The following KSR2 variants were observed in gnomAD, a reference collection of about 807,000 sequenced individuals.
KSR2 encodes kinase suppressor of ras 2.
In KSR2, 25 loss-of-function variants were observed where a neutral mutation model predicts 107.8. The observed-to-expected ratio is 0.23, with a 90% CI of 0.17 to 0.32. The LOEUF (loss-of-function observed/expected upper bound fraction) is 0.32, where lower values mean the gene tolerates loss of function less well. KSR2 is among the 10% of genes least tolerant of loss of function. KSR2 has a pLI of 1.00. For synonymous variants in KSR2, 480 were observed against 507.0 expected (o/e 0.95, Z 0.71); for missense variants, 887 against 1,268.9 (o/e 0.70, Z 4.57).
intron 5 of KSR2, among the ~76,000 whole-genome samples, chr12:117,653,374 G>T (rs1016344162): frequency 6.6e-6 from 1 of 152,238 alleles, no homozygotes; most frequent in Non-Finnish European, 1.5e-5. Flanking sequence ...CCTTCAGCTG[G>T]CAAGGCCAGC....
rs563949399 is a variant in KSR2, at chr12:117,592,624, G to A, written c.1172-10265C>T. ...ATGGCCTCAATTAAGTTTCATTGCC[G>A]GTAAAGAAAGAAAAGATGGCTGAGG... On this transcript the variant is annotated intron_variant, in intron 5 of 19. Coordinates refer to ENST00000339824, the MANE Select transcript of KSR2 (RefSeq NM_173598.6). 2.6e-5 allele frequency among the ~76,000 whole-genome samples: 4 copies of A among 152,276 alleles called. No homozygotes were observed. In the East Asian group the frequency reaches 5.8e-4, roughly 22 times the overall value.
At chr12:117,656,489 C>T (rs998844883) in intron 5 of KSR2, among the ~76,000 whole-genome samples, 8 of 152,210 alleles carry the variant, frequency 5.3e-5, no homozygotes, top group African/African-American at 1.9e-4. Context: ...TGGCACATGC[C>T]TGTAATCCCA....
intron 1 of KSR2, among the ~76,000 whole-genome samples, chr12:117,911,224 T>A (rs773710536): frequency 3.3e-5 from 5 of 151,738 alleles, no homozygotes; most frequent in African/African-American, 1.2e-4. Flanking sequence ...TAATCCTGCC[T>A]ACTCTACGGA....
At chr12:117,688,333 C>T (rs1029533643) in intron 4 of KSR2, among the ~76,000 whole-genome samples, 2 of 152,120 alleles carry the variant, frequency 1.3e-5, no homozygotes, top group African/African-American at 2.4e-5. Flanking sequence ...TGAGCCATCA[C>T]GCCACTGCAC....
At position 117,529,103 on chromosome 12, in the gene KSR2, G is replaced by A. The variant is rs547794295; in HGVS notation, c.1802+1838C>T. 1.2e-4 allele frequency among the ~76,000 whole-genome samples: 18 copies of A among 152,328 alleles called. No homozygotes were observed. The East Asian group carries it at 3.3e-3, about 28-fold the overall frequency. On this transcript the variant is annotated intron_variant, in intron 12 of 19. Transcript: ENST00000339824. ...CCAGTCAGAAAAGATGAAGCAGTTAGGGGACCCAGAAGAAAAACTAAGTAG... is the reference window on the plus strand; with the variant it reads ...CCAGTCAGAAAAGATGAAGCAGTTAAGGGACCCAGAAGAAAAACTAAGTAG...
chr12:117,561,719 T>A (rs1878131361), intron 7 of KSR2, among the ~76,000 whole-genome samples: 1 of 152,212 alleles, frequency 6.6e-6, no homozygotes, highest in African/African-American at 2.4e-5. Context: ...TACGGATGCT[T>A]GACTTCACAA....
At chr12:117,598,951 C>T (rs1385995941) in intron 5 of KSR2, among the ~76,000 whole-genome samples, 1 of 151,950 alleles carries the variant, frequency 6.6e-6, no homozygotes, top group African/African-American at 2.4e-5. Flanking sequence ...TAAAGTCCTC[C>T]CCGACCTTTC....
At chr12:117,540,688 A>AGGG (rs879257344) in intron 9 of KSR2, among the ~76,000 whole-genome samples, 3,152 of 152,204 alleles carry the variant, frequency 0.021, 54 homozygotes, top group Non-Finnish European at 0.033. Flanking sequence ...AAGTCATGTG[A>AGGG]AGATGGAGGG....
Position 117,860,363 on chromosome 12 carries a change from G to C in KSR2, c.249C>G (p.Asn83Lys), listed in dbSNP as rs747514657. 6.2e-7 allele frequency: 1 copy of C among 1,613,760 alleles called. No individual in the cohort carries two copies. Among genetic ancestry groups the C allele is most frequent in the Non-Finnish European group, 8.5e-7 (1 of 1,179,790 alleles). Residue 83 changes from asparagine (N) to lysine (K), a missense_variant, in exon 2 of 20, where the codon AAC becomes AAG. Asn to Lys is a moderately conservative substitution (Grantham distance 94). This residue lies in a region of KSR2 where 399 missense variants were observed against 479.5 expected (regional missense o/e 0.83). Transcript: ENST00000339824. The stretch of plus-strand genomic sequence containing the variant: ...GCTGGGGGAAGCCGTCCAGCTCCGC[G>C]TTGCGCTCCTGCAAGGCTACCTTCT... ...CKKKVALQERNAELDGFPQLR... is the reference protein window; with the variant it reads ...CKKKVALQERKAELDGFPQLR...
intron 7 of KSR2, among the ~76,000 whole-genome samples, chr12:117,577,207 C>T (rs1211190793): frequency 6.6e-6 from 1 of 151,882 alleles, no homozygotes; most frequent in Non-Finnish European, 1.5e-5. Context: ...AAGCCTAGAG[C>T]AGAAGGAGGA....
intron 3 of KSR2, among the ~76,000 whole-genome samples, chr12:117,794,324 C>CAT (rs1419883395): frequency 1.7e-5 from 2 of 116,036 alleles, no homozygotes; most frequent in Non-Finnish European, 3.3e-5. Flanking sequence ...AACATGCACT[C>CAT]ACACCAACAT....
intron 4 of KSR2, among the ~76,000 whole-genome samples, chr12:117,687,060 C>A (rs1885602756): frequency 6.6e-6 from 1 of 152,150 alleles, no homozygotes; most frequent in African/African-American, 2.4e-5. Context: ...CTTAGAGCAA[C>A]TCATCCTTAA....
At chr12:117,943,887 T>C (rs183980284) in intron 1 of KSR2, among the ~76,000 whole-genome samples, 197 of 152,274 alleles carry the variant, frequency 1.3e-3, no homozygotes, top group African/African-American at 4.6e-3. Flanking sequence ...CTGATAATTT[T>C]ATAAGGGATT....
At chr12:117,882,618 TATCC>T (rs368662734) in intron 1 of KSR2, among the ~76,000 whole-genome samples, 8 of 138,844 alleles carry the variant, frequency 5.8e-5, no homozygotes, top group East Asian at 2.3e-4. Context: ...TCCTTCCATC[TATCC>T]ATCCATCCAT....
intron 4 of KSR2, among the ~76,000 whole-genome samples, chr12:117,698,192 T>C (rs112920373): frequency 2.1e-3 from 313 of 152,308 alleles, no homozygotes; most frequent in African/African-American, 6.9e-3. Context: ...AAATTTCTGT[T>C]GTTTAAGGCA....
At chr12:117,632,218 CTTTTTTTTTT>C (rs544594793) in intron 5 of KSR2, among the ~76,000 whole-genome samples, 1 of 84,028 alleles carries the variant, frequency 1.2e-5, no homozygotes, top group South Asian at 5.4e-4. Flanking sequence ...AGTCCTACTC[CTTTTTTTTTT>C]TTTTTTTTTT....
intron 5 of KSR2, among the ~76,000 whole-genome samples, chr12:117,645,526 C>A (rs540286860): frequency 1.3e-5 from 2 of 152,290 alleles, no homozygotes; most frequent in African/African-American, 4.8e-5. Flanking sequence ...ACTATAGACC[C>A]CTGAATCCCA....
intron 1 of KSR2, among the ~76,000 whole-genome samples, chr12:117,954,561 G>T (rs977612811): frequency 6.6e-6 from 1 of 152,134 alleles, no homozygotes; most frequent in African/African-American, 2.4e-5. Context: ...CACATTTGGG[G>T]CTCAGCTAAC....
chr12:117,717,906 T>C (rs918692907), intron 4 of KSR2, among the ~76,000 whole-genome samples: 1 of 152,094 alleles, frequency 6.6e-6, no homozygotes, highest in Non-Finnish European at 1.5e-5. Context: ...CTGGAACTAC[T>C]TGAGACACAG....
Sources: gnomAD v4.1 joint callset for allele counts (sites outside exome capture counted in the v4.1 genomes callset) on GRCh38, gnomAD v4.1.1 for gene constraint, gnomAD v4.1.1 regional missense constraint, MANE v1.5 for transcripts, NCBI Gene and HGNC (gene_info 2026-07-23, HGNC 2026-07-21) for gene names.